The following SPATA31H1 variants were observed in gnomAD, a reference collection of about 807,000 sequenced individuals.
SPATA31H1 encodes spermatogenesis-associated protein 31H1.
chr2:27,546,666 G>A, the SPATA31H1 span, among the ~76,000 whole-genome samples: 1 of 151,840 alleles, frequency 6.6e-6, no homozygotes, highest in East Asian at 1.9e-4. Flanking sequence ...CCAAGTAGCT[G>A]GGACCAGTGA....
the SPATA31H1 span, chr2:27,565,437 G>A: frequency 5.6e-6 from 4 of 716,550 alleles, no homozygotes; most frequent in African/African-American, 3.5e-5. Flanking sequence ...ACCAATTGTG[G>A]GTCAGCCTTA....
chr2:27,540,443 G>A, the SPATA31H1 span, among the ~76,000 whole-genome samples: 1 of 125,638 alleles, frequency 8.0e-6, no homozygotes, highest in Admixed American at 7.3e-5. Context: ...GCCGGGCAGA[G>A]GGGCTCCTCA....
chr2:27,540,807 C>T, the SPATA31H1 span, among the ~76,000 whole-genome samples: 13 of 83,502 alleles, frequency 1.6e-4, no homozygotes, highest in African/African-American at 5.2e-4. Context: ...CGGGCAGAGA[C>T]GCTCCTCACT....
chr2:27,565,320 T>A, the SPATA31H1 span: 1 of 715,950 alleles, frequency 1.4e-6, no homozygotes, highest in Admixed American at 2.0e-5. Context: ...TTCTTTTTTC[T>A]TTTTGTGCTT....
At chr2:27,571,947 G>T in the SPATA31H1 span, 1 of 398,500 alleles carries the variant, frequency 2.5e-6, no homozygotes, top group South Asian at 1.3e-4. Context: ...CCTTGAGCCT[G>T]AACAGGATGG....
chr2:27,579,332 T>C, the SPATA31H1 span: 3 of 1,614,090 alleles, frequency 1.9e-6, no homozygotes, highest in South Asian at 1.1e-5. Flanking sequence ...CCACTGCAGA[T>C]ACCTGTCAAT....
chr2:27,575,880 C>A, the SPATA31H1 span: 4 of 398,348 alleles, frequency 1.0e-5, no homozygotes, highest in Admixed American at 1.3e-4. The surrounding 1 kb of genome is among the most constrained non-coding windows in gnomAD (Gnocchi z 4.1). Flanking sequence ...TATGAAATCG[C>A]CTGAATTAAC....
chr2:27,552,362 C>T, the SPATA31H1 span, among the ~76,000 whole-genome samples: 63 of 151,916 alleles, frequency 4.1e-4, no homozygotes, highest in Non-Finnish European at 7.8e-4. Flanking sequence ...ATTTTCCTAT[C>T]TAATGGTCTT....
chr2:27,562,267 C>T, the SPATA31H1 span, among the ~76,000 whole-genome samples: 2 of 151,838 alleles, frequency 1.3e-5, no homozygotes, highest in Non-Finnish European at 2.9e-5. Context: ...TTAACAAGTT[C>T]TTGAAACATT....
chr2:27,564,178 C>T, the SPATA31H1 span, among the ~76,000 whole-genome samples: 1 of 152,228 alleles, frequency 6.6e-6, no homozygotes, highest in Non-Finnish European at 1.5e-5. Context: ...AGGATAGACT[C>T]ATGGTTAAAA....
At chr2:27,555,360 G>A in the SPATA31H1 span, among the ~76,000 whole-genome samples, 1 of 151,858 alleles carries the variant, frequency 6.6e-6, no homozygotes, top group Admixed American at 6.6e-5. Flanking sequence ...AAATTTTGAA[G>A]GGTAGTTTCA....
the SPATA31H1 span, among the ~76,000 whole-genome samples, chr2:27,551,776 T>C: frequency 6.6e-6 from 1 of 152,030 alleles, no homozygotes; most frequent in African/African-American, 2.4e-5. Context: ...ATTCTAAATG[T>C]TAAGCACATC....
chr2:27,580,074 T>G, the SPATA31H1 span: 1 of 1,614,140 alleles, frequency 6.2e-7, no homozygotes. Flanking sequence ...GCATCTTGGC[T>G]TTAGGCTGAG....
chr2:27,574,770 G>C, the SPATA31H1 span: 1 of 398,418 alleles, frequency 2.5e-6, no homozygotes, highest in Non-Finnish European at 4.4e-6. Context: ...GGAATCTGTG[G>C]AGTTCAACTC....
At chr2:27,557,959 A>G in the SPATA31H1 span, among the ~76,000 whole-genome samples, 8 of 952 alleles carry the variant, frequency 8.4e-3, no homozygotes, top group East Asian at 0.038. Flanking sequence ...GGCCAGGCAG[A>G]GGGGCTCCTC....
the SPATA31H1 span, among the ~76,000 whole-genome samples, chr2:27,554,086 T>C: frequency 6.6e-6 from 1 of 152,082 alleles, no homozygotes; most frequent in Non-Finnish European, 1.5e-5. Flanking sequence ...CTTATTTCTC[T>C]CTGAGACCTC....
the SPATA31H1 span, among the ~76,000 whole-genome samples, chr2:27,564,677 C>A: frequency 6.6e-6 from 1 of 151,914 alleles, no homozygotes; most frequent in African/African-American, 2.4e-5. Context: ...ATTAGTTGGG[C>A]ATGGTGGCTT....
the SPATA31H1 span, among the ~76,000 whole-genome samples, chr2:27,561,763 G>T: frequency 1.3e-5 from 2 of 152,218 alleles, no homozygotes; most frequent in Admixed American, 1.3e-4. Context: ...GTGCAGTGGT[G>T]TGATCTCAGC....
chr2:27,578,406 C>T, the SPATA31H1 span: 1 of 1,613,984 alleles, frequency 6.2e-7, no homozygotes, highest in Non-Finnish European at 8.5e-7. Flanking sequence ...AGGACCAATT[C>T]CTCAGGTTGT....
Sources: allele counts gnomAD v4.1 joint callset (sites outside exome capture counted in the v4.1 genomes callset), GRCh38; gene constraint gnomAD v4.1.1; non-coding constraint Gnocchi (gnomAD v3.1); transcripts MANE v1.5; gene names NCBI Gene and HGNC (gene_info 2026-07-23, HGNC 2026-07-21).